Variants in RIOK1 observed in about 807,000 individuals in gnomAD.
The protein encoded by RIOK1 is serine/threonine-protein kinase RIO1.
In RIOK1, 66 loss-of-function variants were observed where a neutral mutation model predicts 73.5. That is an observed-to-expected ratio of 0.90 (90% CI 0.74 to 1.10). The LOEUF (loss-of-function observed/expected upper bound fraction) is 1.10. RIOK1 is among the 50% of genes least tolerant of loss of function. The pLI is 0.00. For synonymous variants in RIOK1, 224 were observed against 226.8 expected (o/e 0.99, Z 0.11); for missense variants, 658 against 699.8 (o/e 0.94, Z 0.67).
Position 7,411,367 on chromosome 6 carries a change from T to A in RIOK1, c.1305T>A (p.Asn435Lys), listed in dbSNP as rs138618030. The A allele has an allele frequency of 4.3e-6, 7 of 1,614,038 alleles. No homozygotes were observed. The highest frequency in any genetic ancestry group is 5.9e-6 in the Non-Finnish European group (7 of 1,179,962). The change falls in exon 14 of 17, where the codon AAT becomes AAA. Residue 435 changes from asparagine to lysine, a missense_variant. Physicochemically the swap from Asn to Lys is moderately conservative, Grantham distance 94. Transcript: ENST00000379834. ...GAGCATATATTCCTAGAACCTTGAATGAAGTGAAAAATTATGAGAGGGATA... is the reference window on the plus strand; with the variant it reads ...GAGCATATATTCCTAGAACCTTGAAAGAAGTGAAAAATTATGAGAGGGATA... ...FKRAYIPRTL[N>K]EVKNYERDMD... is the part of the protein sequence containing the mutation.
At chr6:7,411,619 G>A (rs1761884745) in intron 14 of RIOK1, 168 bp downstream of exon 14, 2 of 606,274 alleles carry the variant, frequency 3.3e-6, no homozygotes, top group Non-Finnish European at 5.6e-6. Context: ...AACGCAAAGG[G>A]AATTATTTGG....
At chr6:7,396,308 C>T (rs1761471968) in intron 3 of RIOK1, among the ~76,000 whole-genome samples, 1 of 152,118 alleles carries the variant, frequency 6.6e-6, no homozygotes, top group Non-Finnish European at 1.5e-5. Context: ...TATTTTAGGG[C>T]CTTCTTTGCC....
At chr6:7,392,875 A>T (rs1049958896) in intron 1 of RIOK1, 7 of 976,300 alleles carry the variant, frequency 7.2e-6, no homozygotes, top group Non-Finnish European at 8.5e-6. Flanking sequence ...GTGCTTCTTG[A>T]ATAGTAGGCT....
intron 15 of RIOK1, among the ~76,000 whole-genome samples, chr6:7,413,385 G>A (rs1234923498): frequency 6.6e-6 from 1 of 152,180 alleles, no homozygotes; most frequent in Non-Finnish European, 1.5e-5. Flanking sequence ...TTCCTGTGAT[G>A]TTCTTTTTTC....
Position 7,404,518 on chromosome 6 carries a change from A to G in RIOK1, c.955A>G (p.Arg319Gly), listed in dbSNP as rs1386285886. The G allele has an allele frequency of 6.2e-7, 1 of 1,614,066 alleles. No homozygotes were observed. Among genetic ancestry groups the G allele is most frequent in the Non-Finnish European group, 8.5e-7 (1 of 1,180,038 alleles). Reference protein sequence around the residue: ...QYMRRMYQDARLVHADLSEFN... With the variant: ...QYMRRMYQDAGLVHADLSEFN... ...CATGAGAAGAATGTATCAGGATGCC[A>G]GACTTGTCCATGCAGATCTCAGTGA... is the stretch of plus-strand genomic sequence containing the variant. The change falls in exon 10 of 17, where the codon AGA becomes GGA. Residue 319 changes from arginine (R) to glycine (G), a missense_variant. By Grantham distance (125) the Arg-to-Gly change is moderately radical (BLOSUM62 -2). Coordinates refer to ENST00000379834, the MANE Select transcript of RIOK1 (RefSeq NM_031480.3).
intron 1 of RIOK1, among the ~76,000 whole-genome samples, chr6:7,390,933 A>G (rs1030695502): frequency 6.6e-6 from 1 of 152,216 alleles, no homozygotes; most frequent in South Asian, 2.1e-4. Flanking sequence ...CAGTTCAAAA[A>G]TAATAAGGTA....
At chr6:7,404,865 A>G in intron 10 of RIOK1, 53 bp from the exon 11 acceptor site, 3 of 1,457,208 alleles carry the variant, frequency 2.1e-6, no homozygotes, top group Non-Finnish European at 2.9e-6. Context: ...ATTTTAAACG[A>G]AAAACATAGT....
chr6:7,409,947 TG>T (rs1761847704), intron 12 of RIOK1, among the ~76,000 whole-genome samples: 1 of 152,206 alleles, frequency 6.6e-6, no homozygotes, highest in African/African-American at 2.4e-5. Flanking sequence ...CTTTCTTCAG[TG>T]CAGCAGCAAT....
chr6:7,401,218 C>T (rs1018337093), intron 6 of RIOK1, among the ~76,000 whole-genome samples, 168 bp downstream of exon 6: 2 of 152,206 alleles, frequency 1.3e-5, no homozygotes, highest in African/African-American at 4.8e-5. Flanking sequence ...GCCCTTTTCA[C>T]TACCGCTGCT....
At chr6:7,402,505 A>AT (rs1761635954) in intron 6 of RIOK1, 98 bp from the exon 7 acceptor site, 3 of 775,960 alleles carry the variant, frequency 3.9e-6, no homozygotes, top group Non-Finnish European at 6.2e-6. Context: ...TATGCATGTT[A>AT]TTTCAGTTCA....
intron 12 of RIOK1, among the ~76,000 whole-genome samples, chr6:7,405,694 G>C (rs1323794947): frequency 1.3e-5 from 2 of 151,690 alleles, no homozygotes; most frequent in Non-Finnish European, 2.9e-5. Context: ...TATTCATTTT[G>C]ACAGCTTCCT....
intron 8 of RIOK1, 93 bp downstream of exon 8, chr6:7,402,990 A>T (rs1761651568): frequency 9.1e-7 from 1 of 1,102,370 alleles, no homozygotes; most frequent in African/African-American, 1.6e-5. Flanking sequence ...TTCTGCCCAA[A>T]TGTAGGGACT....
intron 1 of RIOK1, among the ~76,000 whole-genome samples, chr6:7,390,976 A>G (rs898551512): frequency 6.6e-6 from 1 of 152,244 alleles, no homozygotes; most frequent in African/African-American, 2.4e-5. Context: ...ACTAGAGCCC[A>G]GATCCTAAAG....
At chr6:7,400,867 A>T in intron 5 of RIOK1, 91 bp from the exon 6 acceptor site, 1 of 731,570 alleles carries the variant, frequency 1.4e-6, no homozygotes, top group Non-Finnish European at 2.4e-6. Flanking sequence ...TCGTACAGTT[A>T]AGCTCTGCTG....
At chr6:7,391,447 A>AAAGAG (rs1215532918) in intron 1 of RIOK1, among the ~76,000 whole-genome samples, 3 of 152,234 alleles carry the variant, frequency 2.0e-5, no homozygotes, top group Non-Finnish European at 4.4e-5. Flanking sequence ...TTAGCCAGAG[A>AAAGAG]AAGAGGAAGG....
At chr6:7,403,749 GT>G (rs1403307909) in intron 8 of RIOK1, among the ~76,000 whole-genome samples, 191 bp from the exon 9 acceptor site, 1 of 151,734 alleles carries the variant, frequency 6.6e-6, no homozygotes, top group Non-Finnish European at 1.5e-5. Flanking sequence ...AATTGCTAGT[GT>G]TTTATCATTC....
intron 6 of RIOK1, among the ~76,000 whole-genome samples, chr6:7,401,772 G>A (rs1258177221): frequency 6.7e-6 from 1 of 148,150 alleles, no homozygotes. Context: ...TCTGCCTCTC[G>A]GGTACAAGCA....
chr6:7,401,771 C>T (rs146806380), intron 6 of RIOK1, among the ~76,000 whole-genome samples: 187 of 147,614 alleles, frequency 1.3e-3, no homozygotes, highest in African/African-American at 4.3e-3. Flanking sequence ...CTCTGCCTCT[C>T]GGGTACAAGC....
chr6:7,403,031 TGAAG>T, intron 8 of RIOK1, 134 bp downstream of exon 8: 1 of 644,072 alleles, frequency 1.6e-6, no homozygotes. Context: ...TTAGGTCTGC[TGAAG>T]TAAGCAGAAG....
Sources: allele counts gnomAD v4.1 joint callset (sites outside exome capture counted in the v4.1 genomes callset), GRCh38; gene constraint gnomAD v4.1.1; transcripts MANE v1.5; gene names NCBI Gene and HGNC (gene_info 2026-07-23, HGNC 2026-07-21).